PYGO1: variants seen among roughly 807,000 people sequenced by gnomAD.
PYGO1 encodes the protein pygopus family PHD finger 1.
A neutral mutation model predicts 29.5 loss-of-function variants in PYGO1; 6 were observed. The ratio of observed to expected loss-of-function variants is 0.20; its 90% confidence interval spans 0.11 to 0.40. PYGO1 has a LOEUF of 0.40. Ranked by LOEUF, PYGO1 falls within the 10% of genes least tolerant of loss-of-function variation. The pLI, the probability that PYGO1 is intolerant of heterozygous loss-of-function variation, is 1.00. For missense variants in PYGO1, 515 were observed against 514.9 expected (o/e 1.00, Z 0.00); for synonymous variants, 186 against 180.5 (o/e 1.03, Z -0.24).
Position 55,546,713 on chromosome 15 carries a change from C to G in PYGO1, c.570G>C (p.Gln190His), listed in dbSNP as rs915937334. ...PAENFSQIPP[Q>H]NASQVSNPDL... ...CGGGGTTAGAAACTTGGCTAGCATTCTGTGGAGGAATTTGACTGAAATTTT... is the reference window on the plus strand; with the variant it reads ...CGGGGTTAGAAACTTGGCTAGCATTGTGTGGAGGAATTTGACTGAAATTTT... Residue 190 changes from glutamine to histidine, a missense_variant, in exon 3 of 3, where the codon CAG becomes CAC. Transcript: ENST00000563719. 1.2e-6 allele frequency: 2 copies of G among 1,613,800 alleles called. No homozygotes were observed. The highest frequency in any genetic ancestry group is 1.3e-5 in the African/African-American group (1 of 74,884).
intron 1 of PYGO1, among the ~76,000 whole-genome samples, chr15:55,569,743 T>G (rs1595990204): frequency 6.6e-6 from 1 of 152,204 alleles, no homozygotes; most frequent in Non-Finnish European, 1.5e-5. Flanking sequence ...TATGTTCATG[T>G]GCAGATGAGA....
Position 55,552,481 on chromosome 15 carries a change from G to T in PYGO1, c.50-3486C>A, listed in dbSNP as rs113080746. 7.0e-3 allele frequency among the ~76,000 whole-genome samples: 1,069 copies of T among 151,962 alleles called. 15 individuals carry two copies. Among genetic ancestry groups the T allele is most frequent in the African/African-American group, 0.025 (1,028 of 41,404 alleles). On this transcript the variant is annotated intron_variant, in intron 1 of 2. Transcript: ENST00000563719. ...TGAAATATCCAGGTTCTCACAATGG[G>T]ACTGACCAAGTGAACAACTTGACCC... is the stretch of plus-strand genomic sequence containing the variant.
Position 55,546,652 on chromosome 15 carries a change from T to G in PYGO1, c.631A>C (p.Asn211His), listed in dbSNP as rs1386918543. ...ASNFVPGNNSNFTSPLESNHS... is the reference protein window; with the variant it reads ...ASNFVPGNNSHFTSPLESNHS... ...TTAGATTCTAACGGAGAAGTAAAAT[T>G]TGAATTATTTCCAGGAACAAAATTA... The change falls in exon 3 of 3, where the codon AAT (asparagine) becomes CAT (histidine). Residue 211 changes from asparagine (N) to histidine (H), a missense_variant. Physicochemically the swap from Asn to His is moderately conservative, Grantham distance 68 (BLOSUM62 1). Coordinates refer to ENST00000563719, the MANE Select transcript of PYGO1 (RefSeq NM_001367806.1). 3 of 1,614,016 alleles carry G rather than the reference T, an allele frequency of 1.9e-6. No individual in the cohort carries two copies. The highest frequency in any genetic ancestry group is 2.2e-5 in the South Asian group (2 of 91,072).
intron 1 of PYGO1, among the ~76,000 whole-genome samples, chr15:55,552,285 C>T (rs191595394): frequency 2.7e-5 from 4 of 147,130 alleles, no homozygotes; most frequent in African/African-American, 5.1e-5. Context: ...GAGTCTGGGA[C>T]GCAGAGGTTC....
chr15:55,549,081 G>A (rs2058867248), intron 1 of PYGO1, 86 bp from the exon 2 acceptor site: 1 of 998,378 alleles, frequency 1.0e-6, no homozygotes, highest in South Asian at 1.9e-5. Context: ...ATATTTACCT[G>A]TTAATGTTTT....
rs950393539 is a variant in PYGO1, at chr15:55,540,667, G to T, written c.*5356C>A. ...TACATAGTAATTTCCTTTGCCATAG[G>T]AATAAATGTTGGACAAAGTCTGGAA... On this transcript the variant is annotated 3_prime_UTR_variant, in exon 3 of 3. Coordinates refer to ENST00000563719, the MANE Select transcript of PYGO1 (RefSeq NM_001367806.1). 6.6e-5 allele frequency: 10 copies of T among 152,010 alleles called. No individual in the cohort carries two copies. The highest frequency in any genetic ancestry group is 2.2e-4 in the African/African-American group (9 of 41,400). The allele number at this position is 152,010 out of a possible 1,614,324, so 9.4% of individuals were successfully genotyped here.
In PYGO1 at chr15:55,546,220, C is replaced by G. The variant is rs779411917; in HGVS notation, c.1063G>C (p.Asp355His). 5 of 1,614,192 alleles carry G rather than the reference C, an allele frequency of 3.1e-6. No homozygotes were observed. In the South Asian group the frequency reaches 5.5e-5, roughly 18 times the overall value. ...ICTNEVNDDQDAILCEASCQK... is the reference protein window; with the variant it reads ...ICTNEVNDDQHAILCEASCQK... ...CAAGAGGCCTCACATAAGATGGCAT[C>G]CTGATCATCGTTCACCTCGTTTGTA... Residue 355 changes from aspartate (D) to histidine (H), a missense_variant, in exon 3 of 3, where the codon GAT becomes CAT. Physicochemically the swap from Asp to His is moderately conservative, Grantham distance 81 (BLOSUM62 -1). Coordinates refer to ENST00000563719, the MANE Select transcript of PYGO1 (RefSeq NM_001367806.1).
intron 1 of PYGO1, among the ~76,000 whole-genome samples, chr15:55,578,899 A>C (rs1288969402): frequency 6.6e-6 from 1 of 152,216 alleles, no homozygotes; most frequent in Non-Finnish European, 1.5e-5. Context: ...AACTAAGCTT[A>C]TCTACCTCTA....
At position 55,557,159 on chromosome 15, in the gene PYGO1, A is replaced by T. The variant is rs570966202; in HGVS notation, c.50-8164T>A. On this transcript the variant is annotated intron_variant, in intron 1 of 2. Coordinates refer to ENST00000563719, the MANE Select transcript of PYGO1 (RefSeq NM_001367806.1). ...GGCGCAATAAAAAATGATAAAGGGG[A>T]TATCACCACCGATCCCACAGAAATA... Among the ~76,000 whole-genome samples, 9 of 152,266 alleles carry T rather than the reference A, an allele frequency of 5.9e-5. No homozygotes were observed. The East Asian group carries it at 1.4e-3, about 23-fold the overall frequency.
intron 1 of PYGO1, among the ~76,000 whole-genome samples, chr15:55,568,153 G>C (rs2058964897): frequency 2.0e-5 from 3 of 152,136 alleles, no homozygotes; most frequent in Admixed American, 1.3e-4. Context: ...TCAATGTGTA[G>C]ACTGCTTTGA....
chr15:55,555,977 C>A (rs1361393324), intron 1 of PYGO1, among the ~76,000 whole-genome samples: 2 of 151,330 alleles, frequency 1.3e-5, no homozygotes, highest in Non-Finnish European at 2.9e-5. Flanking sequence ...ATATTTGCAC[C>A]CAACACAGGA....
At position 55,546,135 on chromosome 15, in the gene PYGO1, G is replaced by A. The variant is rs1201556224; in HGVS notation, c.1148C>T (p.Thr383Ile). The A allele has an allele frequency of 2.5e-6, 4 of 1,614,054 alleles. No individual in the cohort carries two copies. In the African/African-American group the frequency reaches 5.3e-5, roughly 22 times the overall value. Residue 383 changes from threonine (T) to isoleucine (I), a missense_variant, in exon 3 of 3, where the codon ACT becomes ATT. Transcript: ENST00000563719. ...GMTETAYGLL[T>I]AEASAVWGCD... Reference sequence around the variant, plus strand: ...GCCCCATACTGCAGATGCTTCTGCAGTTAAGAGGCCATAAGCTGTTTCAGT... The same window carrying A: ...GCCCCATACTGCAGATGCTTCTGCAATTAAGAGGCCATAAGCTGTTTCAGT...
At chr15:55,574,548 T>C (rs1468152123) in intron 1 of PYGO1, among the ~76,000 whole-genome samples, 1 of 152,222 alleles carries the variant, frequency 6.6e-6, no homozygotes, top group Non-Finnish European at 1.5e-5. Flanking sequence ...TTTGTTGGTA[T>C]TTCTAGGCTA....
chr15:55,584,210 T>TG (rs1163224755), intron 1 of PYGO1, among the ~76,000 whole-genome samples: 1 of 150,574 alleles, frequency 6.6e-6, no homozygotes, highest in South Asian at 2.1e-4. Context: ...TCAACCTCCC[T>TG]GGGCTCAGGT....
chr15:55,552,915 T>C (rs539353584), intron 1 of PYGO1, among the ~76,000 whole-genome samples: 2 of 152,268 alleles, frequency 1.3e-5, no homozygotes, highest in African/African-American at 4.8e-5. Flanking sequence ...CCCACTTCCA[T>C]GGCACCTCCC....
chr15:55,574,564 T>G (rs955150505), intron 1 of PYGO1, among the ~76,000 whole-genome samples: 16 of 152,178 alleles, frequency 1.1e-4, no homozygotes, highest in African/African-American at 3.9e-4. Context: ...GGCTATAGGG[T>G]TCATCTGTTG....
chr15:55,581,296 G>A (rs929612763), intron 1 of PYGO1, among the ~76,000 whole-genome samples: 3 of 152,168 alleles, frequency 2.0e-5, no homozygotes, highest in Non-Finnish European at 2.9e-5. Flanking sequence ...TTTAAAGGCA[G>A]GAGAGACCAG....
At chr15:55,547,196 A>G in intron 2 of PYGO1, 49 bp from the exon 3 acceptor site, 2 of 1,463,546 alleles carry the variant, frequency 1.4e-6, no homozygotes. Context: ...CAAATACATT[A>G]TTAAAATTGT....
intron 1 of PYGO1, among the ~76,000 whole-genome samples, chr15:55,562,465 A>G: frequency 6.6e-6 from 1 of 152,222 alleles, no homozygotes; most frequent in East Asian, 1.9e-4. Flanking sequence ...TGATGTCAGG[A>G]GTTCAAGACC....
Sources: gnomAD v4.1 joint callset for allele counts (sites outside exome capture counted in the v4.1 genomes callset) on GRCh38, gnomAD v4.1.1 for gene constraint, MANE v1.5 for transcripts, NCBI Gene and HGNC (gene_info 2026-07-23, HGNC 2026-07-21) for gene names.